Variants in JCAD observed in about 807,000 individuals in gnomAD.
JCAD encodes the protein junctional cadherin 5-associated protein.
Under a neutral mutation model 98.0 loss-of-function variants are expected in JCAD, and 40 were observed. The ratio of observed to expected loss-of-function variants is 0.41; its 90% confidence interval spans 0.32 to 0.53. JCAD has a LOEUF of 0.53. JCAD is among the 20% of genes least tolerant of loss of function. The probability of loss-of-function intolerance (pLI) is 0.31; values close to 1 mark genes in which losing one functional copy is unlikely to be tolerated. For synonymous variants in JCAD, 691 were observed against 682.3 expected, an observed-to-expected ratio of 1.01 and a Z score of -0.20; for missense variants, 1,705 against 1,738.1, an observed-to-expected ratio of 0.98 and a Z score of 0.34.
intron 1 of JCAD, among the ~76,000 whole-genome samples, chr10:30,093,004 G>A (rs1427022692): frequency 6.6e-6 from 1 of 152,056 alleles, no homozygotes; most frequent in Non-Finnish European, 1.5e-5. Flanking sequence ...AGTAGGCCAT[G>A]GGTTTTAGCC....
At position 30,015,894 on chromosome 10, in the gene JCAD, G is replaced by A. The variant is rs1025709277; in HGVS notation, c.*1989C>T. 2.0e-5 allele frequency: 3 copies of A among 152,152 alleles called. No homozygotes were observed. The South Asian group carries it at 6.2e-4, about 32-fold the overall frequency. 9.4% of individuals were successfully genotyped at this position (152,152 alleles called of 1,614,324 possible). On this transcript the variant is annotated 3_prime_UTR_variant, in exon 4 of 4. Coordinates refer to ENST00000375377, the MANE Select transcript of JCAD (RefSeq NM_020848.4). ...CCTCCAGGCGCCTCAGCCCTTATTTGGTACTACCAGGTGACTTCAATGATT... is the reference window on the plus strand; with the variant it reads ...CCTCCAGGCGCCTCAGCCCTTATTTAGTACTACCAGGTGACTTCAATGATT...
chr10:30,027,142 A>G lies in JCAD; in HGVS notation c.3006T>C (p.Ser1002=). ...YPAEPREPQE[S]PKITSAFSSV... is the part of the protein sequence containing the mutation. ...AGCTGAAAGCACTGGTGATTTTCGG[A>G]CTTTCCTGGGGCTCCCTAGGTTCAG... Residue 1002 remains serine, a synonymous_variant, in exon 3 of 4, where the codon AGT becomes AGC. Transcript: ENST00000375377. 1 of 1,614,086 alleles carries G rather than the reference A, an allele frequency of 6.2e-7. No homozygotes were observed. The highest frequency in any genetic ancestry group is 8.5e-7 in the Non-Finnish European group (1 of 1,179,990).
At chr10:30,077,407 G>A (rs1838001133) in intron 1 of JCAD, among the ~76,000 whole-genome samples, 1 of 152,138 alleles carries the variant, frequency 6.6e-6, no homozygotes, top group Non-Finnish European at 1.5e-5. Context: ...CTCCCAAGTA[G>A]CTGGGACTAC....
chr10:30,018,643 A>C (rs1340876283), intron 3 of JCAD, among the ~76,000 whole-genome samples: 1 of 152,122 alleles, frequency 6.6e-6, no homozygotes, highest in East Asian at 1.9e-4. Context: ...ATCATCCTAA[A>C]CTGCCACTAC....
intron 1 of JCAD, among the ~76,000 whole-genome samples, chr10:30,088,518 G>T (rs1161042320): frequency 6.6e-6 from 1 of 152,112 alleles, no homozygotes; most frequent in Non-Finnish European, 1.5e-5. Context: ...CAAGATAAAG[G>T]CCCTGATTCA....
chr10:30,099,955 C>G (rs150457455), intron 1 of JCAD, among the ~76,000 whole-genome samples: 41 of 152,296 alleles, frequency 2.7e-4, no homozygotes, highest in African/African-American at 9.4e-4. Context: ...CCTGCATAAC[C>G]ATTTCTCCCA....
At chr10:30,106,957 C>G (rs1264235101) in intron 1 of JCAD, among the ~76,000 whole-genome samples, 1 of 152,212 alleles carries the variant, frequency 6.6e-6, no homozygotes, top group Non-Finnish European at 1.5e-5. Flanking sequence ...CATGCCTGTC[C>G]TCACAGCACT....
At position 30,041,358 on chromosome 10, in the gene JCAD, G is replaced by A. The variant is rs1837239280; in HGVS notation, c.281+6174C>T. On this transcript the variant is annotated intron_variant, in intron 2 of 3. Coordinates refer to ENST00000375377, the MANE Select transcript of JCAD (RefSeq NM_020848.4). ...AATGCTTAGTATGGAAACAAGCAGT[G>A]AAAAGGCAAATCGTGTTTGAGGATT... 2.0e-5 allele frequency among the ~76,000 whole-genome samples: 3 copies of A among 152,306 alleles called. No individual in the cohort carries two copies. In the South Asian group the frequency reaches 6.2e-4, roughly 32 times the overall value.
At chr10:30,099,203 C>A (rs1391105034) in intron 1 of JCAD, among the ~76,000 whole-genome samples, 2 of 152,168 alleles carry the variant, frequency 1.3e-5, no homozygotes, top group Non-Finnish European at 2.9e-5. Flanking sequence ...TACACCTCAT[C>A]TTTGAAACAT....
At chr10:30,072,675 CAG>C (rs1483891510) in intron 1 of JCAD, among the ~76,000 whole-genome samples, 1 of 149,716 alleles carries the variant, frequency 6.7e-6, no homozygotes, top group African/African-American at 2.5e-5. Flanking sequence ...TTTTTTGAGA[CAG>C]AGTCTCACTC....
chr10:30,059,964 G>T (rs184302367), upstream of JCAD, among the ~76,000 whole-genome samples: 3 of 151,758 alleles, frequency 2.0e-5, no homozygotes, highest in East Asian at 3.9e-4. The surrounding 1 kb of genome is among the most constrained non-coding windows in gnomAD (Gnocchi z 5.0). Flanking sequence ...GGACACACAG[G>T]TGCACACACA....
chr10:30,031,438 ATT>A (rs34213034), intron 2 of JCAD, among the ~76,000 whole-genome samples: 1,555 of 96,974 alleles, frequency 0.016, 17 homozygotes, highest in African/African-American at 0.058. Flanking sequence ...GCCCATCTGT[ATT>A]TTTTTTTTTT....
chr10:30,073,614 T>C (rs1377990221), intron 1 of JCAD, among the ~76,000 whole-genome samples: 1 of 152,058 alleles, frequency 6.6e-6, no homozygotes, highest in Non-Finnish European at 1.5e-5. Context: ...GACCATTCCA[T>C]TTAGCATTTA....
chr10:30,088,717 C>T (rs1247684414), intron 1 of JCAD, among the ~76,000 whole-genome samples: 1 of 152,218 alleles, frequency 6.6e-6, no homozygotes. Flanking sequence ...CCTGTAATTC[C>T]AGCACTTTGG....
intron 2 of JCAD, among the ~76,000 whole-genome samples, chr10:30,035,468 G>T (rs537021478): frequency 6.6e-6 from 1 of 152,244 alleles, no homozygotes; most frequent in African/African-American, 2.4e-5. Flanking sequence ...TACCTAGCAA[G>T]GGCTGGGCTC....
At chr10:30,043,764 C>A (rs1377796665) in intron 2 of JCAD, among the ~76,000 whole-genome samples, 1 of 152,214 alleles carries the variant, frequency 6.6e-6, no homozygotes, top group Non-Finnish European at 1.5e-5. Context: ...GAGAGCTCAG[C>A]CAGGCCCAGT....
chr10:30,025,509 C>A (rs1836769688), intron 3 of JCAD, among the ~76,000 whole-genome samples: 1 of 109,246 alleles, frequency 9.2e-6, no homozygotes, highest in Admixed American at 1.4e-4. Flanking sequence ...CAGAGTGAGA[C>A]TCTGTCTCAA....
intron 1 of JCAD, among the ~76,000 whole-genome samples, chr10:30,052,799 A>T (rs566429210): frequency 2.1e-4 from 32 of 152,280 alleles, no homozygotes; most frequent in African/African-American, 7.2e-4. Flanking sequence ...TCAATTACGG[A>T]TCTTCTCATC....
intron 2 of JCAD, among the ~76,000 whole-genome samples, chr10:30,035,472 T>C (rs891130610): frequency 6.6e-6 from 1 of 152,268 alleles, no homozygotes; most frequent in African/African-American, 2.4e-5. Context: ...TAGCAAGGGC[T>C]GGGCTCTGAC....
Sources: allele counts gnomAD v4.1 joint callset (sites outside exome capture counted in the v4.1 genomes callset), GRCh38; gene constraint gnomAD v4.1.1; non-coding constraint Gnocchi (gnomAD v3.1); transcripts MANE v1.5; gene names NCBI Gene and HGNC (gene_info 2026-07-23, HGNC 2026-07-21).